UBE2J1: variants seen among roughly 807,000 people sequenced by gnomAD.
The protein encoded by UBE2J1 is ubiquitin-conjugating enzyme E2 J1.
Under a neutral mutation model 42.1 loss-of-function variants are expected in UBE2J1, and 17 were observed. The observed-to-expected ratio is 0.40, with a 90% CI of 0.28 to 0.61. The LOEUF (loss-of-function observed/expected upper bound fraction) is 0.61. Ranked by LOEUF, UBE2J1 falls within the 20% of genes least tolerant of loss-of-function variation. The probability of loss-of-function intolerance (pLI) is 0.38; values close to 1 mark genes in which losing one functional copy is unlikely to be tolerated. For missense variants in UBE2J1, 291 were observed against 389.4 expected (o/e 0.75, Z 2.13); for synonymous variants, 127 against 137.2 (o/e 0.93, Z 0.52).
chr6:89,342,471 A>C lies in UBE2J1; in HGVS notation c.106-16T>G. 1.3e-6 allele frequency: 2 copies of C among 1,581,630 alleles called. No individual in the cohort carries two copies. The highest frequency in any genetic ancestry group is 1.7e-6 in the Non-Finnish European group (2 of 1,168,734). On this transcript the variant is annotated splice_polypyrimidine_tract_variant and intron_variant, in intron 2 of 7. Coordinates refer to ENST00000435041, the MANE Select transcript of UBE2J1 (RefSeq NM_016021.3). ...AAAGGTTATCCTGAACAAAAACAAT[A>C]ATCCACAAGGAATTAATAATATTGA...
At chr6:89,344,728 T>C (rs1768325743) in intron 1 of UBE2J1, among the ~76,000 whole-genome samples, 1 of 152,204 alleles carries the variant, frequency 6.6e-6, no homozygotes, top group Non-Finnish European at 1.5e-5. Context: ...TCTTTCCACC[T>C]AGCACTCCAA....
At chr6:89,339,151 G>A (rs544690557) in intron 3 of UBE2J1, among the ~76,000 whole-genome samples, 102 of 151,702 alleles carry the variant, frequency 6.7e-4, no homozygotes, top group African/African-American at 2.4e-3. Flanking sequence ...ACTGGCCAGC[G>A]AAGTGGCTCA....
At chr6:89,339,356 G>A (rs1209591001) in intron 3 of UBE2J1, among the ~76,000 whole-genome samples, 1 of 142,974 alleles carries the variant, frequency 7.0e-6, no homozygotes, top group Non-Finnish European at 1.5e-5. Context: ...CTTGAGCCCA[G>A]GAGTTCAAGG....
intron 3 of UBE2J1, among the ~76,000 whole-genome samples, chr6:89,340,028 A>T (rs1050648983): frequency 6.6e-6 from 1 of 151,676 alleles, no homozygotes; most frequent in Admixed American, 6.6e-5. Context: ...GTTAAAAAAA[A>T]AAAAAGAATC....
chr6:89,333,045 T>C (rs1768038284), intron 7 of UBE2J1, 41 bp downstream of exon 7: 3 of 1,510,532 alleles, frequency 2.0e-6, no homozygotes, highest in South Asian at 2.8e-5. Context: ...ACAGTGATAA[T>C]GATAGAGACA....
chr6:89,343,794 T>C, intron 1 of UBE2J1, 38 bp from the exon 2 acceptor site: 1 of 1,494,314 alleles, frequency 6.7e-7, no homozygotes, highest in Non-Finnish European at 9.1e-7. Flanking sequence ...ATTTAAAATA[T>C]ACTTTTCTGA....
intron 1 of UBE2J1, among the ~76,000 whole-genome samples, chr6:89,349,911 T>C (rs1768437374): frequency 1.3e-5 from 2 of 152,184 alleles, no homozygotes; most frequent in Non-Finnish European, 2.9e-5. Flanking sequence ...TTCTTCACTT[T>C]GTACTATAAG....
In UBE2J1 at chr6:89,329,122, C is replaced by G. The variant is rs1767957281; in HGVS notation, c.*557G>C. 6.5e-6 allele frequency: 1 copy of G among 152,994 alleles called. No homozygotes were observed. The highest frequency in any genetic ancestry group is 1.5e-5 in the Non-Finnish European group (1 of 68,728). 9.5% of individuals were successfully genotyped at this position (152,994 alleles called of 1,614,324 possible). A position where few individuals can be genotyped will look rare whatever the true frequency, so the allele number is the denominator to read the frequency against. ...ATCTCATTTCCTCATAAATGTTTGA[C>G]TGAAATAAAATTATTTTCACTGAAG... On this transcript the variant is annotated 3_prime_UTR_variant, in exon 8 of 8. Coordinates refer to ENST00000435041, the MANE Select transcript of UBE2J1 (RefSeq NM_016021.3).
intron 1 of UBE2J1, among the ~76,000 whole-genome samples, chr6:89,350,583 C>G (rs775575128): frequency 2.6e-5 from 4 of 151,846 alleles, no homozygotes; most frequent in Non-Finnish European, 4.4e-5. Context: ...TTTTAAGAAG[C>G]ATTGTGTTTT....
intron 6 of UBE2J1, among the ~76,000 whole-genome samples, chr6:89,334,228 C>T (rs1453550895): frequency 6.6e-6 from 1 of 152,028 alleles, no homozygotes; most frequent in Non-Finnish European, 1.5e-5. Flanking sequence ...TGGTCTCAAT[C>T]TCCTGACCTC....
At chr6:89,334,595 C>T (rs2127862148) in intron 6 of UBE2J1, among the ~76,000 whole-genome samples, 1 of 151,928 alleles carries the variant, frequency 6.6e-6, no homozygotes, top group African/African-American at 2.4e-5. Flanking sequence ...CCTCAGCCTC[C>T]CGAGTAGCTG....
intron 3 of UBE2J1, among the ~76,000 whole-genome samples, chr6:89,338,908 G>A (rs1377261384): frequency 6.6e-6 from 1 of 151,806 alleles, no homozygotes; most frequent in Admixed American, 6.6e-5. Context: ...CTTGTGATCT[G>A]CCCACCTTGG....
At chr6:89,352,466 G>A in intron 1 of UBE2J1, 73 bp downstream of exon 1, 1 of 1,467,074 alleles carries the variant, frequency 6.8e-7, no homozygotes, top group Non-Finnish European at 9.1e-7. Flanking sequence ...GACGCGAGGG[G>A]ACCGAGGCGG....
chr6:89,335,179 AAAAAAG>A (rs1768084597), intron 6 of UBE2J1, 117 bp downstream of exon 6: 1 of 948,114 alleles, frequency 1.1e-6, no homozygotes, highest in African/African-American at 1.7e-5. Context: ...TAAAAATATG[AAAAAAG>A]AAAAACATTG....
chr6:89,346,690 A>AAATCTCTG (rs1768371108), intron 1 of UBE2J1, among the ~76,000 whole-genome samples: 1 of 151,834 alleles, frequency 6.6e-6, no homozygotes, highest in South Asian at 2.1e-4. Context: ...GGGCAGATCA[A>AAATCTCTG]AATCTCTGAG....
chr6:89,328,560 T>A lies in UBE2J1; in HGVS notation c.*1119A>T, dbSNP rs1305134139. 1 of 152,206 alleles carries A rather than the reference T, an allele frequency of 6.6e-6. No individual in the cohort carries two copies. Among genetic ancestry groups the A allele is most frequent in the Non-Finnish European group, 1.5e-5 (1 of 68,036 alleles). The allele number at this position is 152,206 out of a possible 1,614,324, so 9.4% of individuals were successfully genotyped here. On this transcript the variant is annotated 3_prime_UTR_variant, in exon 8 of 8. Transcript: ENST00000435041. ...TGCGAACTGAACATGCTGAAGGCAATGTTTTTCTGTGATTATATGGTTTCA... is the reference window on the plus strand; with the variant it reads ...TGCGAACTGAACATGCTGAAGGCAAAGTTTTTCTGTGATTATATGGTTTCA...
Position 89,342,434 on chromosome 6 carries a change from AGTGCCATTC to A in UBE2J1, c.118_126del (p.Glu40_His42del). The A allele has an allele frequency of 6.2e-7, 1 of 1,610,880 alleles. No homozygotes were observed. Among genetic ancestry groups the A allele is most frequent in the Non-Finnish European group, 8.5e-7 (1 of 1,179,218 alleles). On this transcript the variant is annotated inframe_deletion, in exon 3 of 8. Transcript: ENST00000435041. The stretch of plus-strand genomic sequence containing the variant: ...GAGTCTGGGGGCCCTCTAACCGTGA[AGTGCCATTC>A]AAAAAGGTTATCCTGAACAAAAACA...
rs972669633 is a variant in UBE2J1 at position 89,330,571 on chromosome 6, A to G, written c.679-614T>C. Among the ~76,000 whole-genome samples, 20 of 151,906 alleles carry G rather than the reference A, an allele frequency of 1.3e-4. 1 individual carries two copies. The highest frequency in any genetic ancestry group is 4.8e-4 in the African/African-American group (20 of 41,358). ...CACTTTGGGAGGTTGAGGCAGGAGGACTGCTTGAGCCCAGGCATCTGAGAC... is the reference window on the plus strand; with the variant it reads ...CACTTTGGGAGGTTGAGGCAGGAGGGCTGCTTGAGCCCAGGCATCTGAGAC... On this transcript the variant is annotated intron_variant, in intron 7 of 7. Coordinates refer to ENST00000435041, the MANE Select transcript of UBE2J1 (RefSeq NM_016021.3).
rs747336938 is a variant in UBE2J1, at chr6:89,333,157, G to A, written c.607C>T (p.His203Tyr). 6.2e-7 allele frequency: 1 copy of A among 1,613,252 alleles called. No individual in the cohort carries two copies. The highest frequency in any genetic ancestry group is 2.2e-5 in the East Asian group (1 of 44,850). The change falls in exon 7 of 8, where the codon CAC (histidine) becomes TAC (tyrosine). Residue 203 changes from histidine (H) to tyrosine (Y), a missense_variant. This residue lies in a region of UBE2J1 where 176 missense variants were observed against 196.3 expected (regional missense o/e 0.90). Transcript: ENST00000435041. The stretch of plus-strand genomic sequence containing the variant: ...TGTAAATCAGTTAGTGAAAAAGAGT[G>A]GTTTAAGTCTGACTCAGAGATAGTC... ...GKTISESDLN[H>Y]SFSLTDLQDD...
Sources: gnomAD v4.1 joint callset for allele counts (sites outside exome capture counted in the v4.1 genomes callset) on GRCh38, gnomAD v4.1.1 for gene constraint, gnomAD v4.1.1 regional missense constraint, MANE v1.5 for transcripts, NCBI Gene and HGNC (gene_info 2026-07-23, HGNC 2026-07-21) for gene names.